The following COP1 variants were observed in gnomAD, a reference collection of about 807,000 sequenced individuals.
The protein encoded by COP1 is E3 ubiquitin-protein ligase COP1.
Under a neutral mutation model 101.3 loss-of-function variants are expected in COP1, and 24 were observed. The observed-to-expected ratio is 0.24, with a 90% CI of 0.17 to 0.33. The LOEUF (loss-of-function observed/expected upper bound fraction) is 0.33, where lower values mean the gene tolerates loss of function less well. COP1 is among the 10% of genes least tolerant of loss of function. The pLI, the probability that COP1 is intolerant of heterozygous loss-of-function variation, is 1.00. For synonymous variants in COP1, 347 were observed against 341.9 expected (o/e 1.01, Z -0.17); for missense variants, 663 against 906.2 (o/e 0.73, Z 3.45).
chr1:176,196,881 C>CA (rs1251212971), intron 1 of COP1, among the ~76,000 whole-genome samples: 1,236 of 67,370 alleles, frequency 0.018, 9 homozygotes, highest in African/African-American at 0.026. Context: ...TGTCTCTACG[C>CA]AAAAAAAAAA....
chr1:176,176,764 T>C (rs1421111739), intron 2 of COP1, among the ~76,000 whole-genome samples: 1 of 152,030 alleles, frequency 6.6e-6, no homozygotes. Flanking sequence ...GCCATGATTA[T>C]GCCAGTGCAC....
intron 15 of COP1, among the ~76,000 whole-genome samples, chr1:175,996,888 G>GA (rs1660293600): frequency 6.6e-6 from 1 of 151,890 alleles, no homozygotes; most frequent in African/African-American, 2.4e-5. Flanking sequence ...CACAGAATTG[G>GA]AAAAAACTAC....
intron 2 of COP1, among the ~76,000 whole-genome samples, chr1:176,177,669 A>G (rs1000644124): frequency 2.0e-5 from 3 of 152,174 alleles, no homozygotes; most frequent in African/African-American, 7.2e-5. Context: ...CCCACAGAGA[A>G]AGTACCTCTT....
chr1:176,179,370 AT>A, intron 2 of COP1, among the ~76,000 whole-genome samples: 1 of 152,302 alleles, frequency 6.6e-6, no homozygotes, highest in South Asian at 2.1e-4. Context: ...GTTTTAGCAA[AT>A]AACTTTTCTT....
At chr1:176,169,462 T>C (rs1379828693) in intron 3 of COP1, among the ~76,000 whole-genome samples, 1 of 152,190 alleles carries the variant, frequency 6.6e-6, no homozygotes, top group East Asian at 1.9e-4. Flanking sequence ...AAAGCGTACC[T>C]TGGAGAAATC....
intron 9 of COP1, among the ~76,000 whole-genome samples, chr1:176,105,769 G>A (rs1684201787): frequency 6.6e-6 from 1 of 152,144 alleles, no homozygotes; most frequent in Non-Finnish European, 1.5e-5. Context: ...GGTCAGCATT[G>A]TTTAGTAATA....
chr1:176,202,843 T>G (rs1449706789), intron 1 of COP1, among the ~76,000 whole-genome samples: 3 of 151,770 alleles, frequency 2.0e-5, no homozygotes, highest in African/African-American at 7.2e-5. Context: ...TACTAACATC[T>G]GTCATGACAC....
intron 1 of COP1, among the ~76,000 whole-genome samples, chr1:176,198,475 T>C (rs532821569): frequency 2.6e-5 from 4 of 152,268 alleles, no homozygotes; most frequent in African/African-American, 9.6e-5. Context: ...AAGTGGATCA[T>C]AACCATAAGA....
intron 18 of COP1, among the ~76,000 whole-genome samples, chr1:175,975,772 T>C (rs374109713): frequency 2.0e-5 from 3 of 152,232 alleles, no homozygotes; most frequent in Middle Eastern, 6.8e-3. Context: ...GAAACACAAG[T>C]ATGTAAAAAC....
Position 176,046,252 on chromosome 1 carries a change from A to G in COP1, c.1350T>C (p.Tyr450=). 1.2e-6 allele frequency: 2 copies of G among 1,610,078 alleles called. No homozygotes were observed. The highest frequency in any genetic ancestry group is 1.7e-6 in the Non-Finnish European group (2 of 1,178,248). The stretch of plus-strand genomic sequence containing the variant: ...CCACTGCATCCTGGATGACAGTGTC[A>G]TATTCATAGACTTTAATCTTCTTTG... ...GVTKKIKVYE[Y]DTVIQDAVDI... The change falls in exon 12 of 20, where the codon TAT becomes TAC. Residue 450 remains tyrosine, a synonymous_variant. Transcript: ENST00000367669.
chr1:176,062,168 T>C (rs1486324873), intron 11 of COP1, among the ~76,000 whole-genome samples: 1 of 151,788 alleles, frequency 6.6e-6, no homozygotes, highest in East Asian at 1.9e-4. Context: ...GCCTGGATAA[T>C]TTTTTTTGTG....
In COP1 at chr1:176,066,607, C is replaced by A. The variant is rs145757932; in HGVS notation, c.1277+14545G>T. ...GCAGCCCAGTGGCTGCTGACTTTTA[C>A]GTCAAGGTGAGATGGTTCTCCAGCA... On this transcript the variant is annotated intron_variant, in intron 11 of 19. Transcript: ENST00000367669. Among the ~76,000 whole-genome samples, 256 of 152,288 alleles carry A rather than the reference C, an allele frequency of 1.7e-3. 1 individual carries two copies. The highest frequency in any genetic ancestry group is 5.9e-3 in the African/African-American group (245 of 41,546).
At chr1:176,113,945 GTT>G (rs11435143) in intron 9 of COP1, among the ~76,000 whole-genome samples, 1 of 144,840 alleles carries the variant, frequency 6.9e-6, no homozygotes. Context: ...TCAGGGTAGG[GTT>G]TTTTTTTTTT....
At chr1:175,994,054 A>C (rs1298551770) in intron 15 of COP1, among the ~76,000 whole-genome samples, 1 of 152,242 alleles carries the variant, frequency 6.6e-6, no homozygotes, top group Non-Finnish European at 1.5e-5. Context: ...TCTGGGCAGA[A>C]ACTCTACAAG....
intron 1 of COP1, among the ~76,000 whole-genome samples, chr1:176,189,942 TA>T (rs1252244528): frequency 6.6e-6 from 1 of 151,590 alleles, no homozygotes; most frequent in Non-Finnish European, 1.5e-5. Flanking sequence ...AAAGGGAGGT[TA>T]AAAAAATCAA....
intron 9 of COP1, among the ~76,000 whole-genome samples, chr1:176,111,726 G>GT (rs1027983209): frequency 2.6e-5 from 4 of 151,884 alleles, no homozygotes; most frequent in African/African-American, 7.3e-5. Context: ...ATACTTTTGG[G>GT]TTTTTTTCAG....
intron 2 of COP1, among the ~76,000 whole-genome samples, chr1:176,177,469 C>T (rs1290826731): frequency 3.3e-5 from 5 of 151,776 alleles, no homozygotes; most frequent in African/African-American, 1.2e-4. Context: ...TATATGTGTA[C>T]ATTTAAAATA....
chr1:175,979,907 C>T (rs1479920279), intron 18 of COP1, among the ~76,000 whole-genome samples: 3 of 152,010 alleles, frequency 2.0e-5, no homozygotes, highest in Non-Finnish European at 4.4e-5. Context: ...AGTGTTGTAT[C>T]GTTCATTACA....
chr1:175,962,797 C>G (rs1260214505), intron 18 of COP1, among the ~76,000 whole-genome samples: 4 of 151,786 alleles, frequency 2.6e-5, no homozygotes, highest in African/African-American at 4.8e-5. Flanking sequence ...TCCTTTAATC[C>G]TATCTCTTAA....
Sources: gnomAD v4.1 joint callset for allele counts (sites outside exome capture counted in the v4.1 genomes callset) on GRCh38, gnomAD v4.1.1 for gene constraint, MANE v1.5 for transcripts, NCBI Gene and HGNC (gene_info 2026-07-23, HGNC 2026-07-21) for gene names.